Variants in CPVL observed in about 807,000 individuals in gnomAD.
The protein encoded by CPVL is probable serine carboxypeptidase CPVL.
CPVL carries 51 observed loss-of-function variants against 63.7 expected under a neutral mutation model. The ratio of observed to expected loss-of-function variants is 0.80; its 90% CI spans 0.64 to 1.01. The LOEUF is 1.01. CPVL is among the 50% of genes least tolerant of loss of function. The pLI is 0.00. For missense variants in CPVL, 530 were observed against 573.1 expected (o/e 0.92, Z 0.77); for synonymous variants, 195 against 206.0 (o/e 0.95, Z 0.46).
intron 5 of CPVL, among the ~76,000 whole-genome samples, chr7:29,176,764 T>TA (rs1433538231): frequency 6.6e-6 from 1 of 152,158 alleles, no homozygotes; most frequent in African/African-American, 2.4e-5. Context: ...TTCTGGTGTT[T>TA]AAAAAACGAG....
At chr7:29,134,754 T>C (rs1435093943) in intron 1 of CPVL, among the ~76,000 whole-genome samples, 1 of 151,944 alleles carries the variant, frequency 6.6e-6, no homozygotes, top group Admixed American at 6.6e-5. Flanking sequence ...AATTAGAAGA[T>C]TGGTTCCAGA....
At chr7:29,028,590 C>CAAAA in intron 12 of CPVL, among the ~76,000 whole-genome samples, 1 of 152,260 alleles carries the variant, frequency 6.6e-6, no homozygotes, top group African/African-American at 2.4e-5. Context: ...GCCAACTATC[C>CAAAA]ATCTGACCAA....
intron 12 of CPVL, among the ~76,000 whole-genome samples, chr7:29,015,967 C>T (rs936906434): frequency 3.3e-5 from 5 of 152,142 alleles, no homozygotes; most frequent in African/African-American, 7.2e-5. Flanking sequence ...TGTGGTAGAC[C>T]GTGGCCTGAG....
At chr7:29,010,988 T>C (rs1263314044) in intron 12 of CPVL, 1 of 152,202 alleles carries the variant, frequency 6.6e-6, no homozygotes, top group Non-Finnish European at 1.5e-5. Context: ...TCTAACACAG[T>C]ATCCATTCTC....
At position 29,072,803 on chromosome 7, in the gene CPVL, G is replaced by A. The variant is rs376346003; in HGVS notation, c.610-380C>T. On this transcript the variant is annotated intron_variant, in intron 7 of 12. Coordinates refer to ENST00000265394, the MANE Select transcript of CPVL (RefSeq NM_031311.5). The stretch of plus-strand genomic sequence containing the variant: ...AAAAAAATCTCAAGTTTAAAATTAA[G>A]ATTTCAAAATCTGATAATGCTGCAA... Among the ~76,000 whole-genome samples, 32 of 152,282 alleles carry A rather than the reference G, an allele frequency of 2.1e-4. No individual in the cohort carries two copies. The East Asian group carries it at 3.7e-3, about 17-fold the overall frequency.
At chr7:29,136,062 G>C (rs1046618550) in intron 1 of CPVL, among the ~76,000 whole-genome samples, 2 of 152,162 alleles carry the variant, frequency 1.3e-5, no homozygotes, top group East Asian at 3.9e-4. Context: ...GGACTGAAGA[G>C]GGGAAGTGAA....
upstream of CPVL, among the ~76,000 whole-genome samples, chr7:29,150,087 A>G (rs1584427758): frequency 6.6e-6 from 1 of 152,184 alleles, no homozygotes. Context: ...TGAAAACAAG[A>G]TTTAAAACTG....
At chr7:29,138,161 G>C (rs1791440431) in intron 1 of CPVL, among the ~76,000 whole-genome samples, 1 of 152,190 alleles carries the variant, frequency 6.6e-6, no homozygotes, top group South Asian at 2.1e-4. Context: ...AGGTTGACTG[G>C]GAGCAGTGGC....
chr7:29,168,526 T>C, intron 5 of CPVL, among the ~76,000 whole-genome samples: 1 of 152,222 alleles, frequency 6.6e-6, no homozygotes, highest in East Asian at 1.9e-4. Context: ...TGGATTATTT[T>C]GAAGAAAATG....
chr7:29,041,967 T>A (rs1789133548), intron 11 of CPVL, among the ~76,000 whole-genome samples: 1 of 152,226 alleles, frequency 6.6e-6, no homozygotes, highest in African/African-American at 2.4e-5. Context: ...AAAATTTAAA[T>A]GCACATATCT....
chr7:29,195,186 C>T (rs1045921567), exon 1 of CPVL: 1 of 511,210 alleles, frequency 2.0e-6, no homozygotes, highest in Non-Finnish European at 3.3e-6. Context: ...TGACATCTGA[C>T]AGCGCAGAGG....
rs1264282331 is a variant in CPVL at position 29,176,742 on chromosome 7, A to G, written c.-11+4548T>C. Among the ~76,000 whole-genome samples the G allele has an allele frequency of 3.9e-5, 6 of 152,330 alleles. No homozygotes were observed. The East Asian group carries it at 1.2e-3, about 29-fold the overall frequency. ...TAACGTTGACAGTATAAAACAACAA[A>G]TAATGGCTAACTTCTGGTGTTTAAA... On this transcript the variant is annotated intron_variant, in intron 5 of 16. Coordinates refer to the CPVL transcript ENST00000409850.
rs377591737 is a variant in CPVL at position 29,072,260 on chromosome 7, C to A, written c.732+41G>T. On this transcript the variant is annotated intron_variant, in intron 8 of 12. Transcript: ENST00000265394. ...CCATCTGATAAAAAGGCATTTAATC[C>A]CCCTAAGAGACAAAATAGAAAGTCA... is the stretch of plus-strand genomic sequence containing the variant. 4.1e-5 allele frequency: 66 copies of A among 1,606,354 alleles called. No individual in the cohort carries two copies. In the African/African-American group the frequency reaches 8.0e-4, roughly 20 times the overall value.
chr7:29,117,210 A>G (rs1310405831), intron 2 of CPVL, among the ~76,000 whole-genome samples: 2 of 152,234 alleles, frequency 1.3e-5, no homozygotes, highest in African/African-American at 4.8e-5. Flanking sequence ...AGATCTACCA[A>G]TCTTGACATG....
intron 3 of CPVL, among the ~76,000 whole-genome samples, chr7:29,100,037 A>G (rs1239703266): frequency 2.0e-5 from 3 of 152,170 alleles, no homozygotes; most frequent in Non-Finnish European, 2.9e-5. Context: ...AGTGATTTTT[A>G]TCTCCTCTCA....
intron 12 of CPVL, among the ~76,000 whole-genome samples, chr7:28,999,569 G>A (rs539707061): frequency 6.6e-5 from 10 of 152,220 alleles, no homozygotes; most frequent in Middle Eastern, 3.4e-3. Flanking sequence ...ATTTACTCAC[G>A]CACATGCGCA....
At chr7:29,126,495 CCAG>C (rs1179837107) in intron 1 of CPVL, 1 of 152,180 alleles carries the variant, frequency 6.6e-6, no homozygotes, top group Non-Finnish European at 1.5e-5. Flanking sequence ...ACCTGATCAA[CCAG>C]TAGCATAATC....
At position 29,042,094 on chromosome 7, in the gene CPVL, A is replaced by G. The variant is rs142932425; in HGVS notation, c.1138-11335T>C. The stretch of plus-strand genomic sequence containing the variant: ...GAAGTAACAGAAGTAAGTAACTTCC[A>G]AGGACAGCCACTCTCGGAGGAGCGG... On this transcript the variant is annotated intron_variant, in intron 11 of 12. Coordinates refer to ENST00000265394, the MANE Select transcript of CPVL (RefSeq NM_031311.5). Among the ~76,000 whole-genome samples the G allele has an allele frequency of 7.7e-3, 1,165 of 152,248 alleles. 5 individuals carry two copies. The highest frequency in any genetic ancestry group is 0.011 in the Non-Finnish European group (726 of 68,012).
chr7:29,097,309 C>T lies in CPVL; in HGVS notation c.289-1092G>A, dbSNP rs540656776. On this transcript the variant is annotated intron_variant, in intron 3 of 12. Transcript: ENST00000265394. ...ACCCATTATGGGCCAGGCATAGCGC[C>T]GGGAGCTAAGTACACAGAACACTGA... Among the ~76,000 whole-genome samples, 76 of 152,308 alleles carry T rather than the reference C, an allele frequency of 5.0e-4. 1 individual carries two copies. In the Middle Eastern group the frequency reaches 0.017, roughly 34 times the overall value.
Sources: gnomAD v4.1 joint callset for allele counts (sites outside exome capture counted in the v4.1 genomes callset) on GRCh38, gnomAD v4.1.1 for gene constraint, MANE v1.5 for transcripts, NCBI Gene and HGNC (gene_info 2026-07-23, HGNC 2026-07-21) for gene names.